The following ABCG2 variants were observed in gnomAD, a reference collection of about 807,000 sequenced individuals.
The protein encoded by ABCG2 is broad substrate specificity ATP-binding cassette transporter ABCG2.
Under a neutral mutation model 73.5 loss-of-function variants are expected in ABCG2, and 80 were observed. That is an observed-to-expected ratio of 1.09 (90% confidence interval 0.91 to 1.31). The LOEUF (loss-of-function observed/expected upper bound fraction) is 1.31, where lower values mean the gene tolerates loss of function less well. Among genes scored for constraint, ABCG2 ranks in the 50% most tolerant of loss-of-function variants. ABCG2 has a pLI of 0.00. For missense variants in ABCG2, 796 were observed against 786.2 expected (o/e 1.01, Z -0.15); for synonymous variants, 269 against 282.4 (o/e 0.95, Z 0.48).
intron 1 of ABCG2, among the ~76,000 whole-genome samples, chr4:88,209,748 T>A (rs1283939647): frequency 6.6e-6 from 1 of 152,048 alleles, no homozygotes; most frequent in Non-Finnish European, 1.5e-5. Flanking sequence ...TGAAAGAAAA[T>A]TTTTCAGTTT....
chr4:88,168,947 T>TAAAGGTCATCACTCCC (rs1468496497), intron 1 of ABCG2, among the ~76,000 whole-genome samples: 1 of 152,056 alleles, frequency 6.6e-6, no homozygotes. Context: ...CTATTACCAT[T>TAAAGGTCATCACTCCC]AAAGGTCATC....
chr4:88,092,293 T>G lies in ABCG2; in HGVS notation c.1909A>C (p.Ile637Leu), dbSNP rs921855634. The G allele has an allele frequency of 3.1e-5, 50 of 1,613,096 alleles. No homozygotes were observed. The highest frequency in any genetic ancestry group is 4.1e-5 in the Non-Finnish European group (48 of 1,179,552). ...WKNHVALACMIVIFLTIAYLK... is the reference protein window; with the variant it reads ...WKNHVALACMLVIFLTIAYLK... ...TAGGCAATTGTGAGGAAAATAACAA[T>G]CATACAAGCCAAGGCCACGTGATTC... Residue 637 changes from isoleucine to leucine, a missense_variant, in exon 16 of 16, where the codon ATT becomes CTT. By Grantham distance (5) the Ile-to-Leu change is conservative (BLOSUM62 2). Transcript: ENST00000237612.
At chr4:88,110,300 G>C (rs1292807383) in intron 9 of ABCG2, among the ~76,000 whole-genome samples, 1 of 152,036 alleles carries the variant, frequency 6.6e-6, no homozygotes, top group East Asian at 1.9e-4. Context: ...CCAGCACTGT[G>C]GGGGACTGAA....
intron 1 of ABCG2, among the ~76,000 whole-genome samples, chr4:88,211,633 G>A (rs1378542681): frequency 6.6e-6 from 1 of 152,076 alleles, no homozygotes; most frequent in Non-Finnish European, 1.5e-5. Context: ...TAGCCAGGAT[G>A]GGCTCGATCT....
chr4:88,160,064 G>A (rs1036873458), upstream of ABCG2, among the ~76,000 whole-genome samples: 27 of 152,036 alleles, frequency 1.8e-4, no homozygotes, highest in African/African-American at 5.8e-4. Flanking sequence ...CCAACATGGT[G>A]AAACCCTGCC....
At chr4:88,114,118 C>T (rs537944796) in intron 8 of ABCG2, among the ~76,000 whole-genome samples, 3 of 151,510 alleles carry the variant, frequency 2.0e-5, no homozygotes, top group South Asian at 4.2e-4. Flanking sequence ...GCCTGAGCAA[C>T]GAAACGAGAC....
chr4:88,184,893 T>C (rs1578262639), intron 1 of ABCG2, among the ~76,000 whole-genome samples: 1 of 152,132 alleles, frequency 6.6e-6, no homozygotes, highest in African/African-American at 2.4e-5. Flanking sequence ...AACAATTCCA[T>C]ACATCTACAG....
At chr4:88,159,906 T>A (rs1407229623), upstream of ABCG2, among the ~76,000 whole-genome samples, 1 of 152,196 alleles carries the variant, frequency 6.6e-6, no homozygotes, top group Non-Finnish European at 1.5e-5. Context: ...TTCAAGACCC[T>A]TAAAGGCCCA....
chr4:88,216,709 C>T (rs1486753878), intron 1 of ABCG2, among the ~76,000 whole-genome samples: 2 of 152,156 alleles, frequency 1.3e-5, no homozygotes, highest in Admixed American at 1.3e-4. Flanking sequence ...TTTATCTTCT[C>T]AGGAATAGCT....
intron 2 of ABCG2, among the ~76,000 whole-genome samples, chr4:88,137,110 C>T (rs1470308061): frequency 1.3e-5 from 2 of 151,684 alleles, no homozygotes; most frequent in Middle Eastern, 3.4e-3. Flanking sequence ...GAGGGAAGAA[C>T]CCACCTTGAA....
rs552002476 is a variant in ABCG2 at position 88,194,784 on chromosome 4, T to C, written c.-20+36210A>G. ...GAAAGCGCTTGGCATCTTGAAAAGA[T>C]AGCAAGGTAAATGTAGCTGGAGTAC... On this transcript the variant is annotated intron_variant, in intron 1 of 15. Coordinates refer to the ABCG2 transcript ENST00000515655. Among the ~76,000 whole-genome samples, 4 of 152,148 alleles carry C rather than the reference T, an allele frequency of 2.6e-5. 1 individual carries two copies. Among genetic ancestry groups the C allele is most frequent in the South Asian group, 4.1e-4 (2 of 4,820 alleles).
chr4:88,113,814 A>G (rs1181481000), intron 8 of ABCG2, among the ~76,000 whole-genome samples: 3 of 151,944 alleles, frequency 2.0e-5, no homozygotes, highest in Non-Finnish European at 2.9e-5. Flanking sequence ...TACAAAAAAA[A>G]TTAGCCTGGC....
intron 10 of ABCG2, among the ~76,000 whole-genome samples, chr4:88,104,236 C>A (rs765955519): frequency 1.3e-5 from 2 of 152,292 alleles, no homozygotes; most frequent in Admixed American, 1.3e-4. Flanking sequence ...CTCAGTTACA[C>A]GGGTTAGAGA....
intron 6 of ABCG2, among the ~76,000 whole-genome samples, chr4:88,120,053 G>A (rs549683728): frequency 1.3e-5 from 2 of 152,220 alleles, no homozygotes; most frequent in East Asian, 1.9e-4. Context: ...GGTTTCCTAG[G>A]CCAGGCCCAG....
At chr4:88,156,133 G>T (rs10017692) in intron 1 of ABCG2, among the ~76,000 whole-genome samples, 4 of 151,948 alleles carry the variant, frequency 2.6e-5, no homozygotes, top group African/African-American at 9.7e-5. Context: ...CCAGCACTTT[G>T]GGAGGCCGAG....
chr4:88,212,598 C>T (rs1363619305), intron 1 of ABCG2, among the ~76,000 whole-genome samples: 2 of 152,092 alleles, frequency 1.3e-5, no homozygotes, highest in South Asian at 2.1e-4. Context: ...AACCCAACTC[C>T]GGCAAACCTT....
intron 1 of ABCG2, chr4:88,226,776 G>GCTTGGCC (rs945325643): frequency 2.0e-5 from 3 of 152,356 alleles, no homozygotes; most frequent in African/African-American, 4.8e-5. Flanking sequence ...ACAAAGATTA[G>GCTTGGCC]CTTGGCCCCT....
At chr4:88,130,941 T>G (rs1724814565) in intron 5 of ABCG2, 120 bp downstream of exon 5, 1 of 1,177,582 alleles carries the variant, frequency 8.5e-7, no homozygotes, top group Non-Finnish European at 1.2e-6. Context: ...CTCATTGTTA[T>G]GGAAAGCAAC....
chr4:88,177,316 G>T (rs908814119), intron 1 of ABCG2, among the ~76,000 whole-genome samples: 2 of 151,978 alleles, frequency 1.3e-5, no homozygotes, highest in African/African-American at 4.8e-5. Flanking sequence ...GGAGCTTACA[G>T]TGAGCCGAGA....
Sources: allele counts gnomAD v4.1 joint callset (sites outside exome capture counted in the v4.1 genomes callset), GRCh38; gene constraint gnomAD v4.1.1; transcripts MANE v1.5; gene names NCBI Gene and HGNC (gene_info 2026-07-23, HGNC 2026-07-21).